The following NALF1 variants were observed in gnomAD, a reference collection of about 807,000 sequenced individuals.
NALF1 encodes the protein family with sequence similarity 155 member A.
A neutral mutation model predicts 48.4 loss-of-function variants in NALF1; 3 were observed. That is an observed-to-expected ratio of 0.06 (90% CI 0.03 to 0.16). NALF1 has a LOEUF of 0.16. Among genes scored for constraint, NALF1 ranks in the 10% least tolerant of loss-of-function variants. The pLI, the probability that NALF1 is intolerant of heterozygous loss-of-function variation, is 1.00. For missense variants in NALF1, 526 were observed against 571.5 expected (o/e 0.92, Z 0.81); for synonymous variants, 262 against 245.7 (o/e 1.07, Z -0.62).
rs1032293326 is a variant in NALF1, at chr13:107,800,656, T to C, written c.915+65026A>G. Among the ~76,000 whole-genome samples the C allele has an allele frequency of 2.7e-5, 4 of 145,560 alleles. 1 individual carries two copies. The South Asian group carries it at 8.4e-4, about 30-fold the overall frequency. On this transcript the variant is annotated intron_variant, in intron 1 of 2. Coordinates refer to ENST00000375915, the MANE Select transcript of NALF1 (RefSeq NM_001080396.3). ...TATAATACATATAAGATATATAATA[T>C]ATAATACATCATATTGTATTTTATT...
chr13:107,756,454 T>TATATATATATATATATATAA (rs1555323666), intron 1 of NALF1, among the ~76,000 whole-genome samples: 4 of 150,892 alleles, frequency 2.7e-5, no homozygotes, highest in African/African-American at 9.7e-5. Flanking sequence ...TATATATATA[T>TATATATATATATATATATAA]AAAGCATAAA....
intron 1 of NALF1, among the ~76,000 whole-genome samples, chr13:107,273,900 G>A (rs1881225111): frequency 6.6e-6 from 1 of 152,114 alleles, no homozygotes; most frequent in Non-Finnish European, 1.5e-5. Context: ...GCAAGTTTTG[G>A]TGGGTAGTTC....
chr13:107,417,184 G>GT (rs1040201178), intron 1 of NALF1, among the ~76,000 whole-genome samples: 1 of 152,214 alleles, frequency 6.6e-6, no homozygotes, highest in African/African-American at 2.4e-5. Context: ...TAATGCAGAA[G>GT]TTTTTTCCTG....
chr13:107,249,457 G>A (rs72666517), intron 1 of NALF1, among the ~76,000 whole-genome samples: 6,969 of 152,090 alleles, frequency 0.046, 321 homozygotes, highest in Non-Finnish European at 0.06. Flanking sequence ...TTGTCTACAC[G>A]AAGTGATGTT....
chr13:107,185,096 C>T (rs568766283), intron 2 of NALF1, among the ~76,000 whole-genome samples: 2 of 152,250 alleles, frequency 1.3e-5, no homozygotes, highest in African/African-American at 2.4e-5. Flanking sequence ...ATTAGAGCAG[C>T]GCAACTACAG....
intron 2 of NALF1, among the ~76,000 whole-genome samples, chr13:107,174,542 A>G (rs1878876731): frequency 6.6e-6 from 1 of 151,700 alleles, no homozygotes; most frequent in Non-Finnish European, 1.5e-5. Flanking sequence ...TTTTTAGTAG[A>G]GACAGGGTTT....
intron 1 of NALF1, among the ~76,000 whole-genome samples, chr13:107,727,053 T>TC (rs1876178609): frequency 6.9e-6 from 1 of 145,680 alleles, no homozygotes; most frequent in South Asian, 2.3e-4. Context: ...CTCATGATCC[T>TC]CCCTCCTTGG....
chr13:107,402,098 T>C (rs1883819168), intron 1 of NALF1, among the ~76,000 whole-genome samples: 1 of 152,152 alleles, frequency 6.6e-6, no homozygotes, highest in Non-Finnish European at 1.5e-5. Flanking sequence ...TCCTTTCCCT[T>C]CTTAGGTTTC....
chr13:107,474,108 A>G (rs1885142206), intron 1 of NALF1, among the ~76,000 whole-genome samples: 1 of 152,222 alleles, frequency 6.6e-6, no homozygotes, highest in South Asian at 2.1e-4. Flanking sequence ...TTTTCTCAAT[A>G]AGAACATTCA....
chr13:107,865,997 G>C lies in NALF1; in HGVS notation c.600C>G (p.Ala200=), dbSNP rs2138654193. Residue 200 remains alanine (A), a synonymous_variant, in exon 1 of 3, where the codon GCC becomes GCG. Transcript: ENST00000375915. ...VCARNWSRGA[A]GGDGQEVRSK... ...TCCTCACCTCCTGCCCGTCCCCCCC[G>C]GCCGCCCCCCGACTCCAGTTCCTGG... 1 of 1,611,974 alleles carries C rather than the reference G, an allele frequency of 6.2e-7. No individual in the cohort carries two copies. The highest frequency in any genetic ancestry group is 8.5e-7 in the Non-Finnish European group (1 of 1,179,860).
chr13:107,818,867 G>A (rs1331506497), intron 1 of NALF1, among the ~76,000 whole-genome samples: 2 of 56,454 alleles, frequency 3.5e-5, no homozygotes, highest in African/African-American at 1.2e-4. Flanking sequence ...GCGAGACTCC[G>A]TCTCAAAAAA....
intron 1 of NALF1, among the ~76,000 whole-genome samples, chr13:107,566,961 C>A (rs1195930069): frequency 1.3e-5 from 2 of 151,954 alleles, no homozygotes; most frequent in African/African-American, 4.8e-5. Context: ...CAAGTTGATG[C>A]CAGGGTTCAT....
chr13:107,480,845 A>G (rs189784382), intron 1 of NALF1, among the ~76,000 whole-genome samples: 1 of 152,352 alleles, frequency 6.6e-6, no homozygotes, highest in East Asian at 1.9e-4. Flanking sequence ...AATATTTGCT[A>G]AAAATAGTAT....
intron 1 of NALF1, among the ~76,000 whole-genome samples, chr13:107,315,452 G>T (rs904858349): frequency 1.3e-5 from 2 of 151,922 alleles, no homozygotes; most frequent in African/African-American, 4.8e-5. Context: ...TTACTGACTT[G>T]GAAAGTCTTC....
At chr13:107,454,354 A>G (rs1452822383) in intron 1 of NALF1, among the ~76,000 whole-genome samples, 1 of 152,210 alleles carries the variant, frequency 6.6e-6, no homozygotes, top group Non-Finnish European at 1.5e-5. Flanking sequence ...CCTCAGGAAA[A>G]TTACAATTAT....
chr13:107,638,091 T>G (rs973650527), intron 1 of NALF1, among the ~76,000 whole-genome samples: 7 of 150,512 alleles, frequency 4.7e-5, no homozygotes, highest in African/African-American at 1.7e-4. Context: ...AAAAACGACA[T>G]CATCTGTTCC....
intron 1 of NALF1, among the ~76,000 whole-genome samples, chr13:107,589,436 T>G (rs1362889856): frequency 6.6e-6 from 1 of 152,074 alleles, no homozygotes; most frequent in Non-Finnish European, 1.5e-5. Flanking sequence ...ATTTTACAAG[T>G]GCATTGAATC....
Position 107,749,923 on chromosome 13 carries a change from G to A in NALF1, c.915+115759C>T, listed in dbSNP as rs552565411. Among the ~76,000 whole-genome samples the A allele has an allele frequency of 6.5e-4, 98 of 151,918 alleles. 3 individuals carry two copies. The South Asian group carries it at 0.02, about 31-fold the overall frequency. On this transcript the variant is annotated intron_variant, in intron 1 of 2. Coordinates refer to ENST00000375915, the MANE Select transcript of NALF1 (RefSeq NM_001080396.3). Reference sequence around the variant, plus strand: ...CAACCTCCACCTCCCAGGTTCAAGCGATTCTCCTGCCTCAGCCTCCCAAGT... The same window carrying A: ...CAACCTCCACCTCCCAGGTTCAAGCAATTCTCCTGCCTCAGCCTCCCAAGT...
rs75895322 is a variant in NALF1, at chr13:107,706,172, C to G, written c.915+159510G>C. ...GGCAAAGCTGGGTGGCTGCAGTATT[C>G]TGAAACAATAGGAGTCAATCTTCGG... is the stretch of plus-strand genomic sequence containing the variant. On this transcript the variant is annotated intron_variant, in intron 1 of 2. Transcript: ENST00000375915. Among the ~76,000 whole-genome samples, 4,198 of 152,226 alleles carry G rather than the reference C, an allele frequency of 0.028. 360 individuals are homozygous for G. In the East Asian group the frequency reaches 0.32, roughly 12 times the overall value.
Sources: gnomAD v4.1 joint callset for allele counts (sites outside exome capture counted in the v4.1 genomes callset) on GRCh38, gnomAD v4.1.1 for gene constraint, MANE v1.5 for transcripts, NCBI Gene and HGNC (gene_info 2026-07-23, HGNC 2026-07-21) for gene names.